The following PIK3C2B variants were observed in gnomAD, a reference collection of about 807,000 sequenced individuals.
PIK3C2B encodes phosphatidylinositol-4-phosphate 3-kinase catalytic subunit type 2 beta.
A neutral mutation model predicts 184.3 loss-of-function variants in PIK3C2B; 83 were observed. The ratio of observed to expected loss-of-function variants is 0.45; its 90% CI spans 0.38 to 0.54. The LOEUF (loss-of-function observed/expected upper bound fraction) is 0.54. Among genes scored for constraint, PIK3C2B ranks in the 20% least tolerant of loss-of-function variants. The pLI is 0.00. For synonymous variants in PIK3C2B, 779 were observed against 837.6 expected (o/e 0.93, Z 1.21); for missense variants, 1,736 against 2,113.5 (o/e 0.82, Z 3.50).
At chr1:204,431,645 G>A (rs759464998) in intron 28 of PIK3C2B, 24 bp downstream of exon 28, 6 of 1,613,452 alleles carry the variant, frequency 3.7e-6, no homozygotes, top group Non-Finnish European at 5.1e-6. Flanking sequence ...ATCCCTCTGT[G>A]CAGATAGTAA....
chr1:204,460,571 C>T lies in PIK3C2B; in HGVS notation c.1401G>A (p.Val467=), dbSNP rs751485335. 6 of 1,613,902 alleles carry T rather than the reference C, an allele frequency of 3.7e-6. No individual in the cohort carries two copies. Among genetic ancestry groups the T allele is most frequent in the Non-Finnish European group, 5.1e-6 (6 of 1,179,954 alleles). Reference sequence around the variant, plus strand: ...GAACCGTCCGGGCCAGGTCACTGCGCACAACCTTCTGCTCCATCAGCTGTA... The same window carrying T: ...GAACCGTCCGGGCCAGGTCACTGCGTACAACCTTCTGCTCCATCAGCTGTA... ...IRLQLMEQKV[V]RSDLARTVND... Residue 467 remains valine (V), a synonymous_variant, in exon 6 of 33, where the codon GTG becomes GTA. Coordinates refer to ENST00000684373, the MANE Select transcript of PIK3C2B (RefSeq NM_001377334.1).
chr1:204,430,064 G>A, intron 28 of PIK3C2B, 26 bp from the exon 29 acceptor site: 1 of 1,432,614 alleles, frequency 7.0e-7, no homozygotes, highest in Non-Finnish European at 9.7e-7. Context: ...AGGCAGCGGG[G>A]ATGCAGGAGG....
intron 5 of PIK3C2B, among the ~76,000 whole-genome samples, chr1:204,461,066 A>G (rs2942139): frequency 0.9 from 136,367 of 152,066 alleles, 62,713 homozygotes; most frequent in Non-Finnish European, 1. Context: ...GTTGGAGTCC[A>G]CCTGTGCTCA....
chr1:204,468,256 G>GGA (rs763118341), intron 2 of PIK3C2B, among the ~76,000 whole-genome samples: 18 of 151,226 alleles, frequency 1.2e-4, no homozygotes, highest in Admixed American at 4.0e-4. Flanking sequence ...AACAGAGCAG[G>GGA]GAGAGAGAGA....
intron 10 of PIK3C2B, chr1:204,456,273 T>C: frequency 4.9e-6 from 2 of 405,014 alleles, no homozygotes; most frequent in Non-Finnish European, 4.3e-6. Context: ...ATGTTAAACA[T>C]AATCCTTATT....
Position 204,447,742 on chromosome 1 carries a change from C to T in PIK3C2B, c.2347-164G>A, listed in dbSNP as rs1654002164. Among the ~76,000 whole-genome samples the T allele has an allele frequency of 6.6e-6, 1 of 152,130 alleles. No homozygotes were observed. Among genetic ancestry groups the T allele is most frequent in the African/African-American group, 2.4e-5 (1 of 41,416 alleles). ...ACTTGGTGATCTCTAAAGTCCTTTC[C>T]AGCTATAACTCTCAGCAAAAAATGA... On this transcript the variant is annotated intron_variant, in intron 14 of 32. Transcript: ENST00000684373. This position sits in a 1 kb window ranked among gnomAD's most constrained non-coding sequence, Gnocchi z 4.1.
At position 204,454,771 on chromosome 1, in the gene PIK3C2B, G is replaced by A; in HGVS notation, c.1964C>T (p.Ser655Phe). The A allele has an allele frequency of 6.2e-7, 1 of 1,612,960 alleles. No homozygotes were observed. Among genetic ancestry groups the A allele is most frequent in the Non-Finnish European group, 8.5e-7 (1 of 1,179,998 alleles). ...CTTGCCGCCATGGCTGAGGGAGCAG[G>A]AGAGGTAGAAATCTTCATAGCTATA... ...WATSYEDFYL[S>F]CSLSHGGKEL... Residue 655 changes from serine (S) to phenylalanine (F), a missense_variant, in exon 12 of 33, where the codon TCC becomes TTC. Ser to Phe is a radical substitution (Grantham distance 155). Around this residue, in one of 8 missense-constraint regions of PIK3C2B, gnomAD observed 609 missense variants for 699.2 expected, o/e 0.87. Coordinates refer to ENST00000684373, the MANE Select transcript of PIK3C2B (RefSeq NM_001377334.1).
intron 18 of PIK3C2B, 63 bp from the exon 19 acceptor site, chr1:204,443,660 G>T (rs147563182): frequency 1.1e-5 from 16 of 1,483,800 alleles, no homozygotes; most frequent in South Asian, 4.6e-5. Context: ...GGTACAGGGG[G>T]AGACAGAGTC....
At position 204,472,033 on chromosome 1, in the gene PIK3C2B, C is replaced by T. The variant is rs1003790438; in HGVS notation, c.-84-2147G>A. 3.9e-5 allele frequency among the ~76,000 whole-genome samples: 6 copies of T among 152,132 alleles called. No individual in the cohort carries two copies. The East Asian group carries it at 5.8e-4, about 15-fold the overall frequency. On this transcript the variant is annotated intron_variant, in intron 1 of 32. Transcript: ENST00000684373. ...AGGCCAGTGCTTCCACTTACTTCAG[C>T]GGTGGTATCCTTTTCTCTAGAAGCC...
chr1:204,434,644 T>C (rs766377379), intron 23 of PIK3C2B, 36 bp from the exon 24 acceptor site: 11 of 1,576,132 alleles, frequency 7.0e-6, no homozygotes, highest in Non-Finnish European at 8.7e-6. Flanking sequence ...GGAGAGGACA[T>C]AAAGCTGGCT....
chr1:204,461,099 G>A (rs1485685258), intron 5 of PIK3C2B, among the ~76,000 whole-genome samples: 4 of 152,154 alleles, frequency 2.6e-5, no homozygotes, highest in African/African-American at 4.8e-5. Context: ...GGAGCTCAGC[G>A]AGAGACCCCT....
intron 23 of PIK3C2B, among the ~76,000 whole-genome samples, chr1:204,438,103 G>T (rs540114630): frequency 6.6e-6 from 1 of 152,182 alleles, no homozygotes; most frequent in East Asian, 1.9e-4. Flanking sequence ...TTATACCTTG[G>T]CTGCCCATGC....
intron 1 of PIK3C2B, chr1:204,489,707 C>T: frequency 2.6e-6 from 1 of 387,626 alleles, no homozygotes; most frequent in Non-Finnish European, 4.6e-6. Context: ...AAACACTCTG[C>T]TTTCAGAAAA....
At chr1:204,440,387 G>A (rs1039099550) in intron 21 of PIK3C2B, 66 bp from the exon 22 acceptor site, 5 of 1,498,728 alleles carry the variant, frequency 3.3e-6, no homozygotes, top group South Asian at 2.6e-5. Context: ...GGTCTCCCAA[G>A]TGCTCAACCT....
chr1:204,457,453 G>A (rs1654969511), intron 9 of PIK3C2B, among the ~76,000 whole-genome samples: 1 of 152,218 alleles, frequency 6.6e-6, no homozygotes, highest in African/African-American at 2.4e-5. Context: ...CAGACTGTCA[G>A]GCAATGCCTT....
chr1:204,487,403 C>T (rs962701705), intron 1 of PIK3C2B, among the ~76,000 whole-genome samples: 1 of 152,174 alleles, frequency 6.6e-6, no homozygotes, highest in South Asian at 2.1e-4. Context: ...GCCTTTAAAC[C>T]GCATGGATTA....
At chr1:204,453,355 C>T (rs1033678405) in intron 12 of PIK3C2B, among the ~76,000 whole-genome samples, 4 of 152,214 alleles carry the variant, frequency 2.6e-5, no homozygotes, top group African/African-American at 4.8e-5. Context: ...GCTTGGCTGA[C>T]GCCTACCTTC....
chr1:204,425,926 T>C (rs937659489), intron 31 of PIK3C2B, among the ~76,000 whole-genome samples, 185 bp from the exon 32 acceptor site: 11 of 152,222 alleles, frequency 7.2e-5, no homozygotes, highest in Non-Finnish European at 1.0e-4. Context: ...CATGATAACA[T>C]TGTGTCCTAT....
At chr1:204,471,648 A>G (rs1656292538) in intron 1 of PIK3C2B, among the ~76,000 whole-genome samples, 1 of 121,638 alleles carries the variant, frequency 8.2e-6, no homozygotes, top group Non-Finnish European at 1.7e-5. Flanking sequence ...CTTCACTGGT[A>G]TTCTCACATG....
Sources: allele counts gnomAD v4.1 joint callset (sites outside exome capture counted in the v4.1 genomes callset), GRCh38; gene constraint gnomAD v4.1.1; regional missense constraint gnomAD v4.1.1; non-coding constraint Gnocchi (gnomAD v3.1); transcripts MANE v1.5; gene names NCBI Gene and HGNC (gene_info 2026-07-23, HGNC 2026-07-21).